The following CDC123 variants were observed in gnomAD, a reference collection of about 807,000 sequenced individuals.
CDC123 encodes translation initiation factor eIF2 assembly protein.
In CDC123, 37 loss-of-function variants were observed where a neutral mutation model predicts 54.4. The observed-to-expected ratio is 0.68, with a 90% confidence interval of 0.52 to 0.89. CDC123 has a LOEUF of 0.89. Among genes scored for constraint, CDC123 ranks in the 40% least tolerant of loss-of-function variants. The pLI is 0.00. For missense variants in CDC123, 361 were observed against 412.1 expected (o/e 0.88, Z 1.07); for synonymous variants, 144 against 136.8 (o/e 1.05, Z -0.37).
At chr10:12,231,691 G>C (rs987945941) in intron 7 of CDC123, among the ~76,000 whole-genome samples, 1 of 150,598 alleles carries the variant, frequency 6.6e-6, no homozygotes, top group Admixed American at 6.6e-5. Flanking sequence ...ATTTTGATGA[G>C]TTTAAACATA....
At chr10:12,199,732 G>A (rs543632371) in intron 2 of CDC123, among the ~76,000 whole-genome samples, 33 of 152,242 alleles carry the variant, frequency 2.2e-4, no homozygotes, top group Non-Finnish European at 1.8e-4. Flanking sequence ...TTAATGTAGC[G>A]CCTCATTAAC....
At chr10:12,202,565 C>CT (rs1022581069) in intron 2 of CDC123, among the ~76,000 whole-genome samples, 1 of 152,190 alleles carries the variant, frequency 6.6e-6, no homozygotes, top group African/African-American at 2.4e-5. Context: ...CAAAGACTGC[C>CT]CCCCACTCTG....
chr10:12,221,772 AATTTATTT>A (rs144204492), intron 6 of CDC123, among the ~76,000 whole-genome samples: 1 of 150,500 alleles, frequency 6.6e-6, no homozygotes, highest in Non-Finnish European at 1.5e-5. Flanking sequence ...ATTTTATTAA[AATTTATTT>A]ATTTATTTAT....
intron 2 of CDC123, among the ~76,000 whole-genome samples, chr10:12,201,912 C>T (rs1007537726): frequency 3.3e-5 from 5 of 152,024 alleles, no homozygotes; most frequent in African/African-American, 1.2e-4. Flanking sequence ...GGAGCTTGCA[C>T]CTTCAGAACT....
chr10:12,212,089 A>AAAAAT (rs141650049), intron 4 of CDC123, among the ~76,000 whole-genome samples: 80 of 152,256 alleles, frequency 5.3e-4, no homozygotes, highest in Middle Eastern at 3.4e-3. Context: ...CTCCGTCTCA[A>AAAAAT]AAAATAAAAT....
chr10:12,223,370 C>T (rs1336869840), intron 6 of CDC123, among the ~76,000 whole-genome samples: 1 of 152,142 alleles, frequency 6.6e-6, no homozygotes, highest in Non-Finnish European at 1.5e-5. Context: ...ACTGCAACCG[C>T]TGCCTCCCAG....
At chr10:12,232,855 G>C (rs1344195448) in intron 7 of CDC123, among the ~76,000 whole-genome samples, 1 of 150,742 alleles carries the variant, frequency 6.6e-6, no homozygotes, top group Non-Finnish European at 1.5e-5. Flanking sequence ...GCCATCTCCG[G>C]TTCACGCCAT....
chr10:12,220,561 CTG>C (rs1421572262), intron 6 of CDC123, among the ~76,000 whole-genome samples: 2 of 152,224 alleles, frequency 1.3e-5, no homozygotes, highest in East Asian at 1.9e-4. Context: ...CTAGAAGTAA[CTG>C]TTGGTAGTTG....
At chr10:12,211,384 A>C (rs1218175831) in intron 4 of CDC123, among the ~76,000 whole-genome samples, 4 of 152,128 alleles carry the variant, frequency 2.6e-5, no homozygotes, top group African/African-American at 9.7e-5. Context: ...ACAAGATATG[A>C]TTGCCAGGAT....
intron 10 of CDC123, among the ~76,000 whole-genome samples, chr10:12,239,045 T>C (rs1440254596): frequency 6.6e-6 from 1 of 151,866 alleles, no homozygotes; most frequent in African/African-American, 2.4e-5. Context: ...GTCCCAGTTA[T>C]GCAAGAGGCT....
rs77268845 is a variant in CDC123 at position 12,203,147 on chromosome 10, T to C, written c.146+4371T>C. On this transcript the variant is annotated intron_variant, in intron 2 of 12. Transcript: ENST00000281141. ...CACGTGCCACCTTCCAGAAGCTCCATGTGTTCAGCTATCCGGAAGCTCTTT... is the reference window on the plus strand; with the variant it reads ...CACGTGCCACCTTCCAGAAGCTCCACGTGTTCAGCTATCCGGAAGCTCTTT... Among the ~76,000 whole-genome samples, 829 of 152,364 alleles carry C rather than the reference T, an allele frequency of 5.4e-3. 7 individuals carry two copies. Among genetic ancestry groups the C allele is most frequent in the African/African-American group, 0.019 (799 of 41,590 alleles).
chr10:12,243,322 C>T (rs1245997289), intron 10 of CDC123, among the ~76,000 whole-genome samples: 1 of 149,786 alleles, frequency 6.7e-6, no homozygotes, highest in African/African-American at 2.5e-5. Flanking sequence ...TGCATGAACC[C>T]AGGAAGGGGA....
At position 12,202,789 on chromosome 10, in the gene CDC123, C is replaced by T. The variant is rs193181508; in HGVS notation, c.146+4013C>T. Among the ~76,000 whole-genome samples, 342 of 152,244 alleles carry T rather than the reference C, an allele frequency of 2.2e-3. 1 individual carries two copies. Among genetic ancestry groups the T allele is most frequent in the Middle Eastern group, 6.8e-3 (2 of 294 alleles). On this transcript the variant is annotated intron_variant, in intron 2 of 12. Transcript: ENST00000281141. ...CAGCACTTTGGGAGCCCAAGGCGGG[C>T]GGATCACTTGAGGTTAGGAATTTGA...
chr10:12,226,288 C>G (rs539968946), intron 6 of CDC123, among the ~76,000 whole-genome samples: 1 of 152,334 alleles, frequency 6.6e-6, no homozygotes, highest in East Asian at 1.9e-4. Context: ...ACCTCCCAGA[C>G]GGCGTGGCGG....
chr10:12,200,253 A>G (rs1461204501), intron 2 of CDC123, among the ~76,000 whole-genome samples: 1 of 149,130 alleles, frequency 6.7e-6, no homozygotes, highest in African/African-American at 2.5e-5. Context: ...CAGCCTCCCA[A>G]CTAGCTGGGA....
Position 12,249,664 on chromosome 10 carries a change from T to C in CDC123, c.930T>C (p.Phe310=), listed in dbSNP as rs1484720238. Residue 310 remains phenylalanine (F), a synonymous_variant, in exon 12 of 13, where the codon TTT becomes TTC. Coordinates refer to ENST00000281141, the MANE Select transcript of CDC123 (RefSeq NM_006023.3). ...PYLSYRLPKD[F]VDLSTGEDAH... ...TGAGTTACCGGCTACCCAAGGACTT[T>C]GTAGACCTCTCTACTGGGGAGGACG... is the stretch of plus-strand genomic sequence containing the variant. 2 of 1,614,108 alleles carry C rather than the reference T, an allele frequency of 1.2e-6. No homozygotes were observed. The highest frequency in any genetic ancestry group is 1.3e-5 in the African/African-American group (1 of 74,942).
chr10:12,223,431 G>A lies in CDC123; in HGVS notation c.440+5964G>A, dbSNP rs1379146552. On this transcript the variant is annotated intron_variant, in intron 6 of 12. Transcript: ENST00000281141. ...CTCCCAAGTAGCTGGGACTGTAGGC[G>A]CACGCCACCACGCCTGGATAATTTT... 3.9e-5 allele frequency among the ~76,000 whole-genome samples: 6 copies of A among 152,118 alleles called. No homozygotes were observed. The East Asian group carries it at 5.8e-4, about 15-fold the overall frequency.
Position 12,234,969 on chromosome 10 carries a change from T to TA in CDC123, c.490-78dup, listed in dbSNP as rs1339607439. ...CATTTGATAATGGCAATCATTAAGA[T>TA]ACAGTGTTGACCTAAAATTGCCTAG... On this transcript the variant is annotated intron_variant, in intron 7 of 12. Coordinates refer to ENST00000281141, the MANE Select transcript of CDC123 (RefSeq NM_006023.3). The TA allele has an allele frequency of 6.2e-6, 6 of 963,940 alleles. No homozygotes were observed. The African/African-American group carries it at 9.8e-5, about 16-fold the overall frequency. 59.7% of individuals were successfully genotyped at this position (963,940 alleles called of 1,614,324 possible).
chr10:12,250,449 T>G lies in CDC123; in HGVS notation c.*112T>G. On this transcript the variant is annotated 3_prime_UTR_variant, in exon 13 of 13. Coordinates refer to ENST00000281141, the MANE Select transcript of CDC123 (RefSeq NM_006023.3). Reference sequence around the variant, plus strand: ...GCGGGTGGGCCGAGCAGTGTGGACATCAGCCACTTTTTATATTCATGTACA... The same window carrying G: ...GCGGGTGGGCCGAGCAGTGTGGACAGCAGCCACTTTTTATATTCATGTACA... 1 of 810,912 alleles carries G rather than the reference T, an allele frequency of 1.2e-6. No individual in the cohort carries two copies. The highest frequency in any genetic ancestry group is 1.7e-5 in the African/African-American group (1 of 59,550). 50.2% of individuals were successfully genotyped at this position (810,912 alleles called of 1,614,324 possible).
Sources: allele counts gnomAD v4.1 joint callset (sites outside exome capture counted in the v4.1 genomes callset), GRCh38; gene constraint gnomAD v4.1.1; transcripts MANE v1.5; gene names NCBI Gene and HGNC (gene_info 2026-07-23, HGNC 2026-07-21).